The following SARS2 variants were observed in gnomAD, a reference collection of about 807,000 sequenced individuals.
The protein encoded by SARS2 is seryl-tRNA synthetase 2, mitochondrial.
A neutral mutation model predicts 66.8 loss-of-function variants in SARS2; 52 were observed. The ratio of observed to expected loss-of-function variants is 0.78; its 90% CI spans 0.62 to 0.98. The LOEUF (loss-of-function observed/expected upper bound fraction) is 0.98, where lower values mean the gene tolerates loss of function less well. Ranked by LOEUF, SARS2 falls within the 50% of genes least tolerant of loss-of-function variation. The pLI is 0.00. For missense variants in SARS2, 673 were observed against 706.3 expected, an observed-to-expected ratio of 0.95 and a Z score of 0.53; for synonymous variants, 306 against 281.4, an observed-to-expected ratio of 1.09 and a Z score of -0.87.
chr19:38,916,299 G>A lies in SARS2; in HGVS notation c.1176C>T (p.Pro392=). 1.2e-6 allele frequency: 2 copies of A among 1,614,102 alleles called. No homozygotes were observed. The highest frequency in any genetic ancestry group is 1.3e-5 in the African/African-American group (1 of 75,056). Residue 392 remains proline (P), a synonymous_variant, in exon 13 of 16, where the codon CCC becomes CCT. Transcript: ENST00000221431. ...AGGCGGGGAGGCCCAGTTCTTGGGT[G>A]GGCATATCCAGGACCCTGCGGTCAA... ...LGLHFRVLDM[P]TQELGLPAYR...
At position 38,917,594 on chromosome 19, in the gene SARS2, C is replaced by T. The variant is rs2288855; in HGVS notation, c.1160+130G>A. 329,036 of 727,228 alleles carry T rather than the reference C, an allele frequency of 0.45. 76,356 individuals are homozygous for T. The highest frequency in any genetic ancestry group is 0.54 in the South Asian group (36,238 of 67,400). The allele number at this position is 727,228 out of a possible 1,614,324, so 45.0% of individuals were successfully genotyped here. ...GGGATCCTGTATATGCTCCTGTAAT[C>T]CTTGTACAGGAAAATGGGGGCAACG... On this transcript the variant is annotated intron_variant, in intron 12 of 15. Transcript: ENST00000221431.
chr19:38,925,855 C>T (rs1019928437), intron 2 of SARS2, among the ~76,000 whole-genome samples: 6 of 152,222 alleles, frequency 3.9e-5, no homozygotes, highest in South Asian at 2.1e-4. Flanking sequence ...CTCGCTCTGT[C>T]GCCCAGGCTG....
In SARS2 at chr19:38,930,718, G is replaced by C; in HGVS notation, c.19C>G (p.Arg7Gly). 6 of 1,613,560 alleles carry C rather than the reference G, an allele frequency of 3.7e-6. No individual in the cohort carries two copies. The highest frequency in any genetic ancestry group is 4.2e-6 in the Non-Finnish European group (5 of 1,180,026). The change falls in exon 1 of 16, where the codon CGG (arginine) becomes GGG (glycine). Residue 7 changes from arginine to glycine, a missense_variant. Coordinates refer to ENST00000221431, the MANE Select transcript of SARS2 (RefSeq NM_017827.4). The part of the protein sequence containing the change: MAASMA[R>G]RLWPLLTRRG... Reference sequence around the variant, plus strand: ...CGAGTCAGCAAAGGCCACAAGCGCCGCGCCATGGACGCAGCCATCTTGGAC... The same window carrying C: ...CGAGTCAGCAAAGGCCACAAGCGCCCCGCCATGGACGCAGCCATCTTGGAC...
chr19:38,921,560 C>T lies in SARS2; in HGVS notation c.501G>A (p.Ala167=), dbSNP rs140304897. 673 of 1,614,202 alleles carry T rather than the reference C, an allele frequency of 4.2e-4. 2 individuals carry two copies. Among genetic ancestry groups the T allele is most frequent in the African/African-American group, 3.0e-3 (224 of 75,054 alleles). The change falls in exon 4 of 16, where the codon GCG becomes GCA. Residue 167 remains alanine, a synonymous_variant. Coordinates refer to ENST00000221431, the MANE Select transcript of SARS2 (RefSeq NM_017827.4). The stretch of plus-strand genomic sequence containing the variant: ...GGTGGGTCTGGTTGGGCAGCTTCAG[C>T]GCCTGCAGGTAGAACTGCTCCTCAA... ...AQLEEQFYLQ[A]LKLPNQTHPD...
chr19:38,916,154 A>G (rs1193823582), intron 13 of SARS2, 25 bp from the exon 14 acceptor site: 31 of 1,613,528 alleles, frequency 1.9e-5, no homozygotes, highest in Non-Finnish European at 1.9e-5. Context: ...CGGCAGGCTG[A>G]GCGGATCAGG....
chr19:38,921,134 A>T (rs1316119934), intron 5 of SARS2, among the ~76,000 whole-genome samples: 4 of 152,070 alleles, frequency 2.6e-5, no homozygotes, highest in African/African-American at 9.7e-5. Flanking sequence ...CACGACACAC[A>T]CTCACACACA....
rs1261185519 is a variant in SARS2 at position 38,930,587 on chromosome 19, C to T, written c.150G>A (p.Glu50=). 3.1e-6 allele frequency: 5 copies of T among 1,613,898 alleles called. No individual in the cohort carries two copies. In the Middle Eastern group the frequency reaches 4.9e-4, roughly 159 times the overall value. Residue 50 remains glutamate (E), a synonymous_variant, in exon 1 of 16, where the codon GAG becomes GAA. Transcript: ENST00000221431. ...NRNLLYEYAR[E]GYSALPQLDI... is the part of the protein sequence containing the mutation. ...CCAGCTGAGGGAGTGCGCTGTAGCC[C>T]TCGCGCGCATACTCGTACAGGAGGT...
At chr19:38,921,117 A>G (rs1342358776) in intron 5 of SARS2, among the ~76,000 whole-genome samples, 1 of 152,028 alleles carries the variant, frequency 6.6e-6, no homozygotes, top group Non-Finnish European at 1.5e-5. Context: ...CACACAACAC[A>G]TACATACACG....
rs1382248870 is a variant in SARS2 at position 38,926,227 on chromosome 19, G to C, written c.341C>G (p.Thr114Ser). 8 of 1,606,582 alleles carry C rather than the reference G, an allele frequency of 5.0e-6. No individual in the cohort carries two copies. The Admixed American group carries it at 6.7e-5, about 13-fold the overall frequency. Residue 114 changes from threonine (T) to serine (S), a missense_variant, in exon 2 of 16, where the codon ACT (threonine) becomes AGT (serine). By Grantham distance (58) the Thr-to-Ser change is moderately conservative. Transcript: ENST00000221431. ...CACCAGCAGGGCCCGCACTGCCTCA[G>C]TCACAGCTGCCTTCTCTTCCTCCAG... The part of the protein sequence containing the change: ...RSLEEEKAAV[T>S]EAVRALLANQ...
chr19:38,917,894 G>A (rs1426067174), intron 11 of SARS2, 27 bp downstream of exon 11: 5 of 1,612,704 alleles, frequency 3.1e-6, no homozygotes, highest in Non-Finnish European at 4.2e-6. Flanking sequence ...CCCCACCCCA[G>A]CCCCGTTTAG....
Position 38,915,501 on chromosome 19 carries a change from GAACACAGATGTCAGGACGGGCTCAGC to G in SARS2, c.*79_*104del. 2 of 1,401,076 alleles carry G rather than the reference GAACACAGATGTCAGGACGGGCTCAGC, an allele frequency of 1.4e-6. No homozygotes were observed. The highest frequency in any genetic ancestry group is 2.0e-6 in the Non-Finnish European group (2 of 1,015,662). 86.8% of individuals were successfully genotyped at this position (1,401,076 alleles called of 1,614,324 possible). On this transcript the variant is annotated 3_prime_UTR_variant, in exon 16 of 16. Transcript: ENST00000221431. ...GGCCCGGGCGTGGAGCTGACAGGAA[GAACACAGATGTCAGGACGGGCTCAGC>G]AACACAGGTCCCAGGTGTCCGGGGT... is the stretch of plus-strand genomic sequence containing the variant.
intron 1 of SARS2, among the ~76,000 whole-genome samples, chr19:38,926,763 G>A (rs984675563): frequency 4.6e-5 from 7 of 151,954 alleles, no homozygotes; most frequent in African/African-American, 1.7e-4. Flanking sequence ...ACTCCAGCCT[G>A]GGCAACAAGA....
At chr19:38,920,980 A>C (rs755295581) in intron 5 of SARS2, among the ~76,000 whole-genome samples, 11 of 138,222 alleles carry the variant, frequency 8.0e-5, no homozygotes, top group African/African-American at 1.6e-4. Flanking sequence ...GACACACACA[A>C]ACACAGACAC....
chr19:38,921,360 T>C (rs1974531425), intron 5 of SARS2, 32 bp downstream of exon 5: 14 of 1,608,908 alleles, frequency 8.7e-6, no homozygotes, highest in Non-Finnish European at 1.2e-5. Flanking sequence ...ACCGCAGGGC[T>C]TGTCAGCTCC....
chr19:38,927,303 A>C, intron 1 of SARS2, among the ~76,000 whole-genome samples: 1 of 152,096 alleles, frequency 6.6e-6, no homozygotes, highest in East Asian at 1.9e-4. Flanking sequence ...AAAACAAAAA[A>C]AATTGTTACA....
Position 38,915,418 on chromosome 19 carries a change from G to T in SARS2, c.*188C>A. ...CACTGGGACCCTCAATGATAACAGG[G>T]TCAGTGACTGACTCTGAGGCAGCAA... On this transcript the variant is annotated 3_prime_UTR_variant, in exon 16 of 16. Transcript: ENST00000221431. 1.6e-6 allele frequency: 1 copy of T among 629,844 alleles called. No homozygotes were observed. Among genetic ancestry groups the T allele is most frequent in the South Asian group, 1.9e-5 (1 of 52,772 alleles). 39.0% of individuals were successfully genotyped at this position (629,844 alleles called of 1,614,324 possible). A position where few individuals can be genotyped will look rare whatever the true frequency, so the allele number is the denominator to read the frequency against.
rs756223714 is a variant in SARS2 at position 38,921,425 on chromosome 19, C to A, written c.556G>T (p.Ala186Ser). The A allele has an allele frequency of 5.6e-6, 9 of 1,613,848 alleles. No individual in the cohort carries two copies. The highest frequency in any genetic ancestry group is 1.7e-4 in the Middle Eastern group (1 of 5,924). ...TCTCCGACCATGTGGAGCACTCGAG[C>A]CTGGCTCTCATCCCCGACGGGCTGC... ...PDVPVGDESQ[A>S]RVLHMVGDKP... is the part of the protein sequence containing the mutation. Residue 186 changes from alanine (A) to serine (S), a missense_variant, in exon 5 of 16, where the codon GCT becomes TCT. Physicochemically the swap from Ala to Ser is moderately conservative, Grantham distance 99. Transcript: ENST00000221431.
intron 1 of SARS2, among the ~76,000 whole-genome samples, chr19:38,926,900 C>T (rs543568563): frequency 1.3e-5 from 2 of 151,660 alleles, no homozygotes; most frequent in South Asian, 4.2e-4. Flanking sequence ...CCAGACCAGC[C>T]TGGGCAACAC....
rs539232990 is a variant in SARS2, at chr19:38,918,369, G to C, written c.916+53C>G. On this transcript the variant is annotated intron_variant, in intron 9 of 15. Transcript: ENST00000221431. ...CCCCAGTGCTCCCTGGACGCTCCCA[G>C]TTGTCCTTCCACATCACTCCTGCTC... 4.2e-4 allele frequency: 645 copies of C among 1,526,422 alleles called. 1 individual carries two copies. Among genetic ancestry groups the C allele is most frequent in the Non-Finnish European group, 5.6e-4 (620 of 1,101,278 alleles). The allele number at this position is 1,526,422 out of a possible 1,614,324, so 94.6% of individuals were successfully genotyped here. A position where few individuals can be genotyped will look rare whatever the true frequency, so the allele number is the denominator to read the frequency against.
Sources: gnomAD v4.1 joint callset for allele counts (sites outside exome capture counted in the v4.1 genomes callset) on GRCh38, gnomAD v4.1.1 for gene constraint, MANE v1.5 for transcripts, NCBI Gene and HGNC (gene_info 2026-07-23, HGNC 2026-07-21) for gene names.